AFTPH: variants seen among roughly 807,000 people sequenced by gnomAD.
AFTPH encodes the protein aftiphilin, also known as aftiphilin protein.
Under a neutral mutation model 72.5 loss-of-function variants are expected in AFTPH, and 7 were observed. The observed-to-expected ratio is 0.10, with a 90% CI of 0.05 to 0.18. The LOEUF (loss-of-function observed/expected upper bound fraction) is 0.18, where lower values mean the gene tolerates loss of function less well. Among genes scored for constraint, AFTPH ranks in the 10% least tolerant of loss-of-function variants. The pLI, the probability that AFTPH is intolerant of heterozygous loss-of-function variation, is 1.00. For missense variants in AFTPH, 979 were observed against 1,060.5 expected (o/e 0.92, Z 1.07); for synonymous variants, 337 against 370.1 (o/e 0.91, Z 1.03).
chr2:64,536,619 C>A (rs1669905233), intron 1 of AFTPH, among the ~76,000 whole-genome samples: 1 of 144,024 alleles, frequency 6.9e-6, no homozygotes, highest in African/African-American at 2.5e-5. Flanking sequence ...CAATCAGATT[C>A]ATTGAAGGAT....
rs1202352821 is a variant in AFTPH, at chr2:64,573,443, A to AG, written c.2394+375_2394+376insG. Among the ~76,000 whole-genome samples, 12 of 151,654 alleles carry AG rather than the reference A, an allele frequency of 7.9e-5. No homozygotes were observed. The East Asian group carries it at 9.7e-4, about 12-fold the overall frequency. On this transcript the variant is annotated intron_variant, in intron 6 of 8. Transcript: ENST00000238856. ...GTAAGTGCTGGGTTTAAAAAAAAAA[A>AG]AAAAGAAAAGAAAAAAGGAAACACT...
chr2:64,551,341 A>G (rs1671034653), intron 1 of AFTPH, 102 bp from the exon 2 acceptor site: 2 of 864,790 alleles, frequency 2.3e-6, no homozygotes, highest in South Asian at 3.9e-5. Flanking sequence ...AAAATAGAGC[A>G]TTGTAAATTT....
At chr2:64,585,790 G>GC (rs886326338) in intron 8 of AFTPH, among the ~76,000 whole-genome samples, 2 of 84,266 alleles carry the variant, frequency 2.4e-5, no homozygotes, top group African/African-American at 4.8e-5. Context: ...CCCACCCCCT[G>GC]CCCCCCCACC....
intron 2 of AFTPH, among the ~76,000 whole-genome samples, chr2:64,563,281 G>A (rs2104008778): frequency 6.6e-6 from 1 of 152,244 alleles, no homozygotes; most frequent in African/African-American, 2.4e-5. Flanking sequence ...GATGTTGAGA[G>A]GATGATTGTA....
At chr2:64,560,803 A>G (rs1671682832) in intron 2 of AFTPH, among the ~76,000 whole-genome samples, 1 of 151,886 alleles carries the variant, frequency 6.6e-6, no homozygotes. Flanking sequence ...AACCCAGGAG[A>G]CGAAGGTTGC....
chr2:64,587,878 T>C (rs1288415245), intron 8 of AFTPH, among the ~76,000 whole-genome samples: 2 of 152,230 alleles, frequency 1.3e-5, no homozygotes, highest in Non-Finnish European at 2.9e-5. Context: ...CACTACTAAT[T>C]AGTGACAGCT....
At chr2:64,591,113 T>C (rs1458255852) in intron 8 of AFTPH, among the ~76,000 whole-genome samples, 1 of 152,234 alleles carries the variant, frequency 6.6e-6, no homozygotes, top group Non-Finnish European at 1.5e-5. Context: ...CATTTGGCAT[T>C]TTCTGTGGCT....
At position 64,524,751 on chromosome 2, in the gene AFTPH, G is replaced by A. The variant is rs1365492064; in HGVS notation, c.-33+139G>A. The A allele has an allele frequency of 1.7e-5, 6 of 361,860 alleles. No individual in the cohort carries two copies. In the East Asian group the frequency reaches 2.4e-4, roughly 15 times the overall value. The allele number at this position is 361,860 out of a possible 1,614,324, so 22.4% of individuals were successfully genotyped here. On this transcript the variant is annotated intron_variant, in intron 1 of 8. Transcript: ENST00000238856. ...GCCGGGAGCTGTGAGGACGGAGCTG[G>A]CTCTGCGGGCCTGCGGGCTCCCGGC...
At chr2:64,575,829 C>T (rs1427982480) in intron 6 of AFTPH, among the ~76,000 whole-genome samples, 2 of 151,166 alleles carry the variant, frequency 1.3e-5, no homozygotes. Flanking sequence ...ACCTCCACCT[C>T]CCGGGTTCAA....
exon 2 of AFTPH, chr2:64,552,007 G>C: frequency 1.2e-6 from 2 of 1,613,914 alleles, no homozygotes; most frequent in Non-Finnish European, 1.7e-6. Flanking sequence ...AAGCCTCCTT[G>C]TCTGGAGATT....
chr2:64,550,622 T>C (rs972689623), intron 1 of AFTPH, among the ~76,000 whole-genome samples: 2 of 151,214 alleles, frequency 1.3e-5, no homozygotes, highest in African/African-American at 4.9e-5. Flanking sequence ...CTTATCCTGA[T>C]TGTAGTGATG....
intron 7 of AFTPH, among the ~76,000 whole-genome samples, chr2:64,585,216 GAA>G (rs1413181892): frequency 1.3e-5 from 2 of 152,228 alleles, no homozygotes; most frequent in Admixed American, 6.5e-5. Context: ...AATGGAATTT[GAA>G]AAGTCTTTTC....
At chr2:64,572,831 TGTC>T in intron 5 of AFTPH, 112 bp from the exon 6 acceptor site, 2 of 1,380,452 alleles carry the variant, frequency 1.4e-6, no homozygotes, top group Non-Finnish European at 9.8e-7. Context: ...AGTTCCTTTT[TGTC>T]TTCAGTACTT....
intron 7 of AFTPH, 49 bp downstream of exon 8, chr2:64,581,322 GACC>G (rs1341067580): frequency 4.1e-6 from 6 of 1,467,174 alleles, no homozygotes; most frequent in Non-Finnish European, 5.6e-6. Context: ...CTAAAAGCAT[GACC>G]ACATCACTTG....
rs1354346685 is a variant in AFTPH, at chr2:64,574,111, A to G, written c.2394+1043A>G. Among the ~76,000 whole-genome samples, 3 of 152,232 alleles carry G rather than the reference A, an allele frequency of 2.0e-5. No homozygotes were observed. The East Asian group carries it at 5.8e-4, about 29-fold the overall frequency. ...CTTACTCTTTCCATATCAAGTTACA[A>G]ACTGACTCAGTGCTGGTTAAATATT... On this transcript the variant is annotated intron_variant, in intron 6 of 8. Coordinates refer to ENST00000238856, the Ensembl canonical transcript of AFTPH.
chr2:64,553,994 C>T (rs1671209823), intron 2 of AFTPH, among the ~76,000 whole-genome samples: 1 of 152,000 alleles, frequency 6.6e-6, no homozygotes, highest in African/African-American at 2.4e-5. Context: ...TCTTTTTCCT[C>T]ATAATTTAGC....
intron 1 of AFTPH, among the ~76,000 whole-genome samples, chr2:64,550,589 T>G (rs1670968431): frequency 6.6e-6 from 1 of 151,926 alleles, no homozygotes; most frequent in South Asian, 2.1e-4. Context: ...TGAGGGAGTT[T>G]TTTTTGTGTT....
intron 1 of AFTPH, among the ~76,000 whole-genome samples, chr2:64,539,645 A>T (rs961741618): frequency 8.5e-5 from 13 of 152,254 alleles, no homozygotes; most frequent in African/African-American, 2.9e-4. Flanking sequence ...TAAATGCCCC[A>T]GCAAGAATGA....
rs1257071452 is a variant in AFTPH at position 64,584,132 on chromosome 2, G to A, written c.2456-1290G>A. ...TTGCTGTTAACGCCCGGCAACTCATGAACTTTTTTTCTCAAGTTATTTGCT... is the reference window on the plus strand; with the variant it reads ...TTGCTGTTAACGCCCGGCAACTCATAAACTTTTTTTCTCAAGTTATTTGCT... On this transcript the variant is annotated intron_variant, in intron 7 of 8. Coordinates refer to ENST00000238856, the Ensembl canonical transcript of AFTPH. Among the ~76,000 whole-genome samples, 3 of 151,922 alleles carry A rather than the reference G, an allele frequency of 2.0e-5. No individual in the cohort carries two copies. In the East Asian group the frequency reaches 5.8e-4, roughly 29 times the overall value.
Sources: allele counts gnomAD v4.1 joint callset (sites outside exome capture counted in the v4.1 genomes callset), GRCh38; gene constraint gnomAD v4.1.1; transcripts MANE v1.5; gene names NCBI Gene and HGNC (gene_info 2026-07-23, HGNC 2026-07-21).